The following PRKCA variants were observed in gnomAD, a reference collection of about 807,000 sequenced individuals.
The protein encoded by PRKCA is protein kinase C alpha, also known as protein kinase C alpha type.
PRKCA carries 27 observed loss-of-function variants against 87.0 expected under a neutral mutation model. That is an observed-to-expected ratio of 0.31 (90% CI 0.23 to 0.43). The LOEUF is 0.43. Among genes scored for constraint, PRKCA ranks in the 20% least tolerant of loss-of-function variants. PRKCA has a pLI of 1.00. For synonymous variants in PRKCA, 329 were observed against 311.1 expected, an observed-to-expected ratio of 1.06 and a Z score of -0.61; for missense variants, 518 against 852.3, an observed-to-expected ratio of 0.61 and a Z score of 4.88.
chr17:66,610,977 C>T (rs952983744), intron 3 of PRKCA, among the ~76,000 whole-genome samples: 1 of 150,836 alleles, frequency 6.6e-6, no homozygotes, highest in African/African-American at 2.5e-5. Context: ...AAGGACATTA[C>T]AAGTTAAACC....
At chr17:66,576,803 G>T (rs1969249291) in intron 3 of PRKCA, among the ~76,000 whole-genome samples, 1 of 151,472 alleles carries the variant, frequency 6.6e-6, no homozygotes, top group Non-Finnish European at 1.5e-5. Context: ...GCTTAGGGAA[G>T]ATTTATGTGT....
chr17:66,399,066 A>G (rs1195432375), intron 2 of PRKCA, among the ~76,000 whole-genome samples: 1 of 149,716 alleles, frequency 6.7e-6, no homozygotes, highest in African/African-American at 2.5e-5. Flanking sequence ...TTGATGCACC[A>G]TGTGGTAGAC....
At chr17:66,620,862 A>AAT (rs1465852709) in intron 3 of PRKCA, among the ~76,000 whole-genome samples, 1 of 152,222 alleles carries the variant, frequency 6.6e-6, no homozygotes, top group African/African-American at 2.4e-5. Flanking sequence ...CAGCTAACAA[A>AAT]ATAGCCTTGA....
chr17:66,620,097 G>A (rs1352233285), intron 3 of PRKCA, among the ~76,000 whole-genome samples: 2 of 152,202 alleles, frequency 1.3e-5, no homozygotes, highest in African/African-American at 4.8e-5. Context: ...GGGTCATGCA[G>A]CTTTCAAAGA....
chr17:66,422,812 A>G (rs1405739218), intron 2 of PRKCA, among the ~76,000 whole-genome samples: 2 of 152,180 alleles, frequency 1.3e-5, no homozygotes, highest in Admixed American at 1.3e-4. Context: ...CTCTCACCTC[A>G]TTAAAGCATT....
intron 8 of PRKCA, among the ~76,000 whole-genome samples, chr17:66,690,818 ACT>A (rs1479112332): frequency 5.6e-5 from 7 of 124,692 alleles, no homozygotes; most frequent in African/African-American, 1.9e-4. Flanking sequence ...ACAGAGCAAG[ACT>A]CTGTCTCAAA....
At chr17:66,625,065 A>T (rs1970812833) in intron 3 of PRKCA, among the ~76,000 whole-genome samples, 2 of 152,190 alleles carry the variant, frequency 1.3e-5, no homozygotes, top group Non-Finnish European at 2.9e-5. Flanking sequence ...TCTATAGATC[A>T]CAAGAAAGTC....
intron 3 of PRKCA, among the ~76,000 whole-genome samples, chr17:66,615,749 A>G (rs1970499658): frequency 1.3e-5 from 2 of 152,136 alleles, no homozygotes; most frequent in South Asian, 4.1e-4. Flanking sequence ...TTCCGTCGGC[A>G]GTCACCACCT....
At chr17:66,570,987 G>A (rs1969064138) in intron 3 of PRKCA, among the ~76,000 whole-genome samples, 1 of 152,188 alleles carries the variant, frequency 6.6e-6, no homozygotes, top group Non-Finnish European at 1.5e-5. Flanking sequence ...TGAAGGTAAG[G>A]GAAGGTAATA....
intron 8 of PRKCA, among the ~76,000 whole-genome samples, chr17:66,728,662 G>A (rs1253359452): frequency 3.9e-5 from 6 of 152,226 alleles, no homozygotes; most frequent in African/African-American, 7.2e-5. Context: ...TCACAAGGCC[G>A]TCGTTAGGTT....
chr17:66,460,739 C>T (rs1470786094), intron 2 of PRKCA, among the ~76,000 whole-genome samples: 2 of 152,166 alleles, frequency 1.3e-5, no homozygotes, highest in Admixed American at 6.5e-5. Flanking sequence ...AGCAGAACTG[C>T]GTCCCCATTA....
intron 2 of PRKCA, among the ~76,000 whole-genome samples, chr17:66,335,070 A>G (rs536930323): frequency 6.6e-6 from 1 of 152,288 alleles, no homozygotes; most frequent in African/African-American, 2.4e-5. Context: ...AAACTCATGG[A>G]GACAGAAAGT....
At chr17:66,675,718 G>A (rs544578542) in intron 5 of PRKCA, among the ~76,000 whole-genome samples, 1 of 152,264 alleles carries the variant, frequency 6.6e-6, no homozygotes, top group Admixed American at 6.5e-5. Flanking sequence ...CGTCAGGAGT[G>A]ACACTTGGGA....
chr17:66,543,434 G>A (rs912962956), intron 3 of PRKCA, among the ~76,000 whole-genome samples: 4 of 152,148 alleles, frequency 2.6e-5, no homozygotes, highest in Admixed American at 1.3e-4. Flanking sequence ...ATGCTATGAA[G>A]TACCCTTTGT....
At chr17:66,546,375 A>G (rs1435125500) in intron 3 of PRKCA, among the ~76,000 whole-genome samples, 1 of 152,242 alleles carries the variant, frequency 6.6e-6, no homozygotes, top group Non-Finnish European at 1.5e-5. Context: ...TCTCAAAACA[A>G]CAGAAATGTA....
intron 13 of PRKCA, among the ~76,000 whole-genome samples, chr17:66,745,009 GC>G (rs1443663504): frequency 3.3e-5 from 5 of 152,172 alleles, no homozygotes; most frequent in African/African-American, 1.2e-4. Context: ...ATTATATGGG[GC>G]CCACTTGGAT....
intron 14 of PRKCA, among the ~76,000 whole-genome samples, chr17:66,783,023 T>C (rs1975278926): frequency 6.6e-6 from 1 of 152,222 alleles, no homozygotes; most frequent in South Asian, 2.1e-4. Flanking sequence ...ATGCCCACGA[T>C]GCTCCTGCCT....
intron 5 of PRKCA, among the ~76,000 whole-genome samples, chr17:66,686,289 C>T (rs1410726992): frequency 6.6e-6 from 1 of 152,148 alleles, no homozygotes; most frequent in Non-Finnish European, 1.5e-5. Flanking sequence ...ATTCCCATAT[C>T]AGGTTTCTCA....
intron 2 of PRKCA, among the ~76,000 whole-genome samples, chr17:66,312,732 CT>C (rs536411779): frequency 0.016 from 1,683 of 106,288 alleles, 9 homozygotes; most frequent in African/African-American, 0.051. Context: ...ATCGTAGGAC[CT>C]TTTTTTTTTT....
Sources: allele counts gnomAD v4.1 joint callset (sites outside exome capture counted in the v4.1 genomes callset), GRCh38; gene constraint gnomAD v4.1.1; transcripts MANE v1.5; gene names NCBI Gene and HGNC (gene_info 2026-07-23, HGNC 2026-07-21).